TMEM232: variants seen among roughly 807,000 people sequenced by gnomAD.
TMEM232 encodes transmembrane protein 232.
A neutral mutation model predicts 78.8 loss-of-function variants in TMEM232; 80 were observed. The ratio of observed to expected loss-of-function variants is 1.01; its 90% CI spans 0.85 to 1.22. The LOEUF (loss-of-function observed/expected upper bound fraction) is 1.22. Ranked by LOEUF, TMEM232 falls within the 50% of genes most tolerant of loss-of-function variation. The pLI, the probability that TMEM232 is intolerant of heterozygous loss-of-function variation, is 0.00. For synonymous variants in TMEM232, 297 were observed against 254.3 expected (o/e 1.17, Z -1.60); for missense variants, 881 against 742.2 (o/e 1.19, Z -2.17).
At chr5:110,554,067 T>G (rs1349275108) in intron 11 of TMEM232, among the ~76,000 whole-genome samples, 1 of 152,050 alleles carries the variant, frequency 6.6e-6, no homozygotes, top group Non-Finnish European at 1.5e-5. Context: ...AAAGCTGCAA[T>G]GGTTAATACT....
intron 2 of TMEM232, among the ~76,000 whole-genome samples, chr5:110,655,501 T>C (rs1249372509): frequency 7.0e-6 from 1 of 141,850 alleles, no homozygotes; most frequent in Non-Finnish European, 1.5e-5. Context: ...AGTGTGGCGA[T>C]TCCTCAGGGA....
In TMEM232 at chr5:110,732,868, T is replaced by C. The variant is rs576261211; in HGVS notation, c.-13+2035A>G. Among the ~76,000 whole-genome samples the C allele has an allele frequency of 5.5e-4, 83 of 152,270 alleles. 1 individual carries two copies. The highest frequency in any genetic ancestry group is 6.8e-3 in the Middle Eastern group (2 of 294). On this transcript the variant is annotated intron_variant, in intron 2 of 4. Transcript: ENST00000512886. ...GGAAAGCTAATCAAATGTAAAATAA[T>C]AGCAGAGAAAACAGACAACATACAG...
chr5:110,625,791 G>T (rs1204031294), intron 6 of TMEM232, among the ~76,000 whole-genome samples: 1 of 147,244 alleles, frequency 6.8e-6, no homozygotes, highest in Non-Finnish European at 1.5e-5. Context: ...ATTCTACAAA[G>T]AAATCAATGT....
intron 1 of TMEM232, among the ~76,000 whole-genome samples, chr5:110,684,319 A>T (rs6880860): frequency 0.28 from 42,901 of 151,906 alleles, 7,491 homozygotes; most frequent in African/African-American, 0.5. Context: ...AATCTGTACA[A>T]ACAAAAAATA....
intron 5 of TMEM232, among the ~76,000 whole-genome samples, chr5:110,632,715 G>C (rs1448822191): frequency 6.6e-6 from 1 of 151,722 alleles, no homozygotes; most frequent in African/African-American, 2.4e-5. Flanking sequence ...CAAAGAAAAA[G>C]TAATGAAAAA....
At chr5:110,655,250 T>C (rs1457308142) in intron 2 of TMEM232, among the ~76,000 whole-genome samples, 1 of 151,610 alleles carries the variant, frequency 6.6e-6, no homozygotes, top group Non-Finnish European at 1.5e-5. Context: ...GCAAAGGATA[T>C]GAACAGACAC....
Position 110,484,510 on chromosome 5 carries a change from C to T in TMEM232, c.1703+44078G>A, listed in dbSNP as rs1334198900. ...ATTAAATATAAATGGATTCAACATT[C>T]CAATTAAAGGCAGAGACTGGAAGAA... On this transcript the variant is annotated intron_variant, in intron 12 of 13. Transcript: ENST00000455884. 2.0e-5 allele frequency among the ~76,000 whole-genome samples: 3 copies of T among 152,082 alleles called. No individual in the cohort carries two copies. In the East Asian group the frequency reaches 5.8e-4, roughly 29 times the overall value.
intron 1 of TMEM232, among the ~76,000 whole-genome samples, chr5:110,726,108 T>TCACACACACACACACACA (rs3985014): frequency 1.1e-4 from 16 of 144,638 alleles, no homozygotes; most frequent in African/African-American, 4.1e-4. Flanking sequence ...CCTCTCTCTT[T>TCACACACACACACACACA]CACACACACA....
At chr5:110,407,432 A>T (rs1044115519) in intron 2 of TMEM232, among the ~76,000 whole-genome samples, 5 of 152,164 alleles carry the variant, frequency 3.3e-5, no homozygotes, top group Non-Finnish European at 5.9e-5. Flanking sequence ...TAAAGAGACA[A>T]ATTTACTATA....
At chr5:110,670,621 G>A (rs913147343) in intron 1 of TMEM232, among the ~76,000 whole-genome samples, 1 of 151,822 alleles carries the variant, frequency 6.6e-6, no homozygotes, top group Non-Finnish European at 1.5e-5. Flanking sequence ...AAGCAAATGG[G>A]ATTTTTTTTT....
intron 12 of TMEM232, among the ~76,000 whole-genome samples, chr5:110,524,349 A>G (rs1156709225): frequency 8.4e-6 from 1 of 119,754 alleles, no homozygotes; most frequent in East Asian, 2.5e-4. Context: ...AAGAAAGAGA[A>G]AGAAAGAAAG....
At chr5:110,442,474 A>C (rs1310761174) in intron 12 of TMEM232, among the ~76,000 whole-genome samples, 1 of 152,084 alleles carries the variant, frequency 6.6e-6, no homozygotes, top group East Asian at 1.9e-4. Context: ...ATTTAAAAAA[A>C]TAATTTCAAT....
intron 12 of TMEM232, among the ~76,000 whole-genome samples, chr5:110,466,143 A>G (rs1472607153): frequency 2.6e-5 from 4 of 152,220 alleles, no homozygotes; most frequent in Non-Finnish European, 5.9e-5. Flanking sequence ...AAAGCTAATC[A>G]CAACTTTGAA....
chr5:110,406,411 A>G (rs564261848), intron 2 of TMEM232, among the ~76,000 whole-genome samples: 1 of 152,152 alleles, frequency 6.6e-6, no homozygotes, highest in South Asian at 2.1e-4. Context: ...TAAAGATTAG[A>G]GTCCAGATAT....
At chr5:110,524,421 A>AAAGAAAG (rs1212771651) in intron 12 of TMEM232, among the ~76,000 whole-genome samples, 1 of 126,134 alleles carries the variant, frequency 7.9e-6, no homozygotes, top group African/African-American at 3.2e-5. Flanking sequence ...GAAAGAAAAG[A>AAAGAAAG]AAAGAAAAGA....
At chr5:110,614,534 C>T (rs534898076) in intron 8 of TMEM232, among the ~76,000 whole-genome samples, 6 of 152,132 alleles carry the variant, frequency 3.9e-5, no homozygotes, top group Admixed American at 3.9e-4. Flanking sequence ...GGATGCAATA[C>T]AGCAAAATCT....
intron 1 of TMEM232, among the ~76,000 whole-genome samples, chr5:110,687,885 C>T (rs1005718063): frequency 1.3e-5 from 2 of 151,938 alleles, no homozygotes; most frequent in African/African-American, 4.8e-5. Context: ...TGGAAATTTG[C>T]AGAGTAGTGT....
chr5:110,469,566 G>A (rs1016471995), intron 12 of TMEM232, among the ~76,000 whole-genome samples: 1 of 152,136 alleles, frequency 6.6e-6, no homozygotes, highest in African/African-American at 2.4e-5. Context: ...CTAAAGCTGT[G>A]CATTCCCTCC....
At chr5:110,475,524 C>T (rs1763157451) in intron 12 of TMEM232, among the ~76,000 whole-genome samples, 1 of 143,270 alleles carries the variant, frequency 7.0e-6, no homozygotes, top group Non-Finnish European at 1.5e-5. Flanking sequence ...TAAAAATCTC[C>T]AAAAATGGCA....
Sources: gnomAD v4.1 joint callset for allele counts (sites outside exome capture counted in the v4.1 genomes callset) on GRCh38, gnomAD v4.1.1 for gene constraint, MANE v1.5 for transcripts, NCBI Gene and HGNC (gene_info 2026-07-23, HGNC 2026-07-21) for gene names.